The following KCNK9 variants were observed in gnomAD, a reference collection of about 807,000 sequenced individuals.
KCNK9 encodes potassium two pore domain channel subfamily K member 9, also known as potassium channel subfamily K member 9.
A neutral mutation model predicts 10.8 loss-of-function variants in KCNK9; 1 was observed. The observed-to-expected ratio is 0.09, with a 90% CI of 0.03 to 0.44. KCNK9 has a LOEUF of 0.44. Among genes scored for constraint, KCNK9 ranks in the 20% least tolerant of loss-of-function variants. The pLI is 0.97. For missense variants in KCNK9, 303 were observed against 515.0 expected, an observed-to-expected ratio of 0.59 and a Z score of 3.98; for synonymous variants, 231 against 222.7, an observed-to-expected ratio of 1.04 and a Z score of -0.33.
At chr8:139,653,754 C>T (rs1284725275) in intron 1 of KCNK9, among the ~76,000 whole-genome samples, 1 of 152,200 alleles carries the variant, frequency 6.6e-6, no homozygotes, top group Non-Finnish European at 1.5e-5. Flanking sequence ...AAACACGAGG[C>T]GGCATTATCA....
chr8:139,677,084 A>G (rs965092007), intron 1 of KCNK9, among the ~76,000 whole-genome samples: 38 of 152,290 alleles, frequency 2.5e-4, no homozygotes, highest in Admixed American at 1.8e-3. Flanking sequence ...TGCAGAATGC[A>G]TGCACCTCCC....
downstream of KCNK9, among the ~76,000 whole-genome samples, chr8:139,614,526 C>T (rs1814522219): frequency 6.6e-6 from 1 of 152,210 alleles, no homozygotes; most frequent in Non-Finnish European, 1.5e-5. Context: ...CATGTAGAGC[C>T]AGGCAGCTCG....
chr8:139,648,852 G>A (rs1043900779), intron 1 of KCNK9, among the ~76,000 whole-genome samples: 4 of 152,154 alleles, frequency 2.6e-5, no homozygotes, highest in Non-Finnish European at 5.9e-5. Flanking sequence ...GGCTGGATGG[G>A]GTGTCATTCC....
At chr8:139,626,780 T>C (rs1209770774) in intron 1 of KCNK9, among the ~76,000 whole-genome samples, 2 of 152,318 alleles carry the variant, frequency 1.3e-5, no homozygotes, top group East Asian at 3.9e-4. Context: ...ATAAAGGACA[T>C]GCAAAGTTTG....
At chr8:139,676,819 G>A (rs1000349116) in intron 1 of KCNK9, among the ~76,000 whole-genome samples, 1 of 152,162 alleles carries the variant, frequency 6.6e-6, no homozygotes, top group African/African-American at 2.4e-5. Flanking sequence ...GAGTGTGGTG[G>A]TGCATGCCTG....
chr8:139,633,350 G>A (rs1815233054), intron 1 of KCNK9, among the ~76,000 whole-genome samples: 1 of 152,066 alleles, frequency 6.6e-6, no homozygotes, highest in South Asian at 2.1e-4. Flanking sequence ...GCTTGTAAAA[G>A]GCCTAGAATG....
chr8:139,664,370 C>T (rs1034654653), intron 1 of KCNK9, among the ~76,000 whole-genome samples: 22 of 151,840 alleles, frequency 1.4e-4, no homozygotes, highest in African/African-American at 5.1e-4. Context: ...CCCTAGCCCA[C>T]CCAGCCTTCC....
downstream of KCNK9, among the ~76,000 whole-genome samples, chr8:139,614,675 C>A (rs1233500254): frequency 6.6e-6 from 1 of 152,234 alleles, no homozygotes; most frequent in Non-Finnish European, 1.5e-5. Flanking sequence ...AAGAGTCTAA[C>A]AGGCTGAAGG....
intron 1 of KCNK9, among the ~76,000 whole-genome samples, chr8:139,637,642 AGTTT>A (rs904414061): frequency 1.3e-5 from 2 of 152,196 alleles, no homozygotes; most frequent in Non-Finnish European, 2.9e-5. Context: ...AAAGATACAA[AGTTT>A]GTTATGCAAA....
chr8:139,603,639 T>C (rs1466212881), intron 2 of KCNK9, among the ~76,000 whole-genome samples: 1 of 152,172 alleles, frequency 6.6e-6, no homozygotes, highest in African/African-American at 2.4e-5. Flanking sequence ...GCTCTCTGCT[T>C]TCAGAATGTG....
chr8:139,684,917 G>C (rs1816758262), intron 1 of KCNK9, among the ~76,000 whole-genome samples: 1 of 152,184 alleles, frequency 6.6e-6, no homozygotes, highest in African/African-American at 2.4e-5. Flanking sequence ...TGGTGAACTA[G>C]ACAGAGCACA....
chr8:139,644,978 C>T (rs1297577989), intron 1 of KCNK9, among the ~76,000 whole-genome samples: 1 of 152,190 alleles, frequency 6.6e-6, no homozygotes, highest in Non-Finnish European at 1.5e-5. Context: ...GCCAACCAAG[C>T]CCCCAGGAGG....
chr8:139,622,941 G>A (rs1490456644), intron 1 of KCNK9, among the ~76,000 whole-genome samples: 1 of 152,182 alleles, frequency 6.6e-6, no homozygotes, highest in African/African-American at 2.4e-5. Flanking sequence ...ACTATATACA[G>A]ATAGATTAGA....
downstream of KCNK9, among the ~76,000 whole-genome samples, chr8:139,608,266 G>A (rs181459348): frequency 6.6e-6 from 1 of 152,240 alleles, no homozygotes; most frequent in African/African-American, 2.4e-5. Context: ...GCCAACCTGT[G>A]AGTCTCACAC....
Position 139,649,993 on chromosome 8 carries a change from G to C in KCNK9, c.284-30894C>G, listed in dbSNP as rs145967094. On this transcript the variant is annotated intron_variant, in intron 1 of 1. Coordinates refer to ENST00000520439, the MANE Select transcript of KCNK9 (RefSeq NM_001282534.2). ...TCTGTGTCATCTCCCTGAAGGCAGT[G>C]GGGGAGCAAGCCAGGCAGCTACCTG... Among the ~76,000 whole-genome samples, 141 of 152,264 alleles carry C rather than the reference G, an allele frequency of 9.3e-4. 1 individual carries two copies. The highest frequency in any genetic ancestry group is 3.1e-3 in the African/African-American group (129 of 41,540).
In KCNK9 at chr8:139,702,412, A is replaced by G. The variant is rs1199182659; in HGVS notation, c.283+298T>C. 6.6e-6 allele frequency among the ~76,000 whole-genome samples: 1 copy of G among 151,478 alleles called. No individual in the cohort carries two copies. Among genetic ancestry groups the G allele is most frequent in the African/African-American group, 2.4e-5 (1 of 41,178 alleles). ...GCTATGGGATTATTCTTAGCGCTCC[A>G]CTCTCTTCGCAAAAGTGGCGCCTCC... is the stretch of plus-strand genomic sequence containing the variant. On this transcript the variant is annotated intron_variant, in intron 1 of 1. Coordinates refer to ENST00000520439, the MANE Select transcript of KCNK9 (RefSeq NM_001282534.2). The surrounding 1 kb of genome is among the most constrained non-coding windows in gnomAD (Gnocchi z 7.5).
intron 1 of KCNK9, among the ~76,000 whole-genome samples, chr8:139,661,236 C>T (rs1411165185): frequency 1.3e-5 from 2 of 152,220 alleles, no homozygotes; most frequent in African/African-American, 4.8e-5. Flanking sequence ...TGCTGTGTGA[C>T]ACACCATATG....
chr8:139,644,948 G>A (rs1815629938), intron 1 of KCNK9, among the ~76,000 whole-genome samples: 2 of 152,296 alleles, frequency 1.3e-5, no homozygotes, highest in African/African-American at 4.8e-5. Context: ...CCCGCCCACA[G>A]TGCAGACAGA....
intron 1 of KCNK9, among the ~76,000 whole-genome samples, chr8:139,668,990 C>T (rs1409825156): frequency 6.6e-6 from 1 of 152,198 alleles, no homozygotes; most frequent in African/African-American, 2.4e-5. Context: ...GCAAGCCACA[C>T]ACATTTTTTG....
Sources: gnomAD v4.1 joint callset for allele counts (sites outside exome capture counted in the v4.1 genomes callset) on GRCh38, gnomAD v4.1.1 for gene constraint, Gnocchi (gnomAD v3.1) non-coding constraint, MANE v1.5 for transcripts, NCBI Gene and HGNC (gene_info 2026-07-23, HGNC 2026-07-21) for gene names.